Variants in ARRB1 observed in about 807,000 individuals in gnomAD.
The protein encoded by ARRB1 is arrestin beta 1, also known as beta-arrestin-1.
Under a neutral mutation model 56.8 loss-of-function variants are expected in ARRB1, and 21 were observed. The ratio of observed to expected loss-of-function variants is 0.37; its 90% confidence interval spans 0.26 to 0.53. ARRB1 has a LOEUF of 0.53. Among genes scored for constraint, ARRB1 ranks in the 20% least tolerant of loss-of-function variants. The pLI is 0.88. For missense variants in ARRB1, 424 were observed against 553.7 expected (o/e 0.77, Z 2.35); for synonymous variants, 210 against 218.6 (o/e 0.96, Z 0.35).
chr11:75,306,402 G>C (rs1947030401), intron 1 of ARRB1, among the ~76,000 whole-genome samples: 1 of 152,156 alleles, frequency 6.6e-6, no homozygotes, highest in South Asian at 2.1e-4. Flanking sequence ...ACCCCGCACT[G>C]TTCCTCCCTG....
chr11:75,315,636 C>G (rs193002258), intron 1 of ARRB1, among the ~76,000 whole-genome samples: 18 of 152,264 alleles, frequency 1.2e-4, no homozygotes, highest in Admixed American at 1.2e-3. Context: ...ACGTACTCTC[C>G]TAGAGAGTGG....
In ARRB1 at chr11:75,344,200, G is replaced by A. The variant is rs554351695; in HGVS notation, c.20+7388C>T. Reference sequence around the variant, plus strand: ...CCATGGGAGACAGCACTACCCTTTCGAGCAGTAGCCAATTCCTTCCTGGCC... The same window carrying A: ...CCATGGGAGACAGCACTACCCTTTCAAGCAGTAGCCAATTCCTTCCTGGCC... On this transcript the variant is annotated intron_variant, in intron 1 of 15. Transcript: ENST00000420843. Among the ~76,000 whole-genome samples the A allele has an allele frequency of 1.3e-3, 191 of 152,198 alleles. 1 individual carries two copies. Among genetic ancestry groups the A allele is most frequent in the African/African-American group, 4.6e-3 (189 of 41,506 alleles).
chr11:75,319,655 C>T (rs1367811366), intron 1 of ARRB1, among the ~76,000 whole-genome samples: 1 of 152,168 alleles, frequency 6.6e-6, no homozygotes, highest in Non-Finnish European at 1.5e-5. Flanking sequence ...CTGCCCTGCC[C>T]CAGGCACAGT....
At chr11:75,311,353 T>TA (rs1470561136) in intron 1 of ARRB1, among the ~76,000 whole-genome samples, 1 of 151,820 alleles carries the variant, frequency 6.6e-6, no homozygotes, top group Non-Finnish European at 1.5e-5. Flanking sequence ...ATATAAAAAT[T>TA]AAAAAAATTA....
intron 13 of ARRB1, 118 bp downstream of exon 13, chr11:75,271,583 T>C: frequency 1.7e-6 from 2 of 1,160,138 alleles, no homozygotes; most frequent in Non-Finnish European, 2.4e-6. Context: ...AACCTGGCTA[T>C]CTGAAATGAC....
chr11:75,278,507 G>T (rs1316152812), intron 8 of ARRB1, 102 bp downstream of exon 8: 7 of 1,510,590 alleles, frequency 4.6e-6, no homozygotes, highest in Non-Finnish European at 6.3e-6. Flanking sequence ...GGGGATAGAA[G>T]CTCCTACCTG....
chr11:75,301,745 C>T (rs2140463396), intron 1 of ARRB1, among the ~76,000 whole-genome samples: 1 of 152,264 alleles, frequency 6.6e-6, no homozygotes, highest in East Asian at 1.9e-4. Context: ...GTTCCTAGGC[C>T]CTTATCGCAT....
chr11:75,282,095 A>G (rs1946356265), intron 5 of ARRB1, 74 bp from the exon 6 acceptor site: 1 of 1,510,906 alleles, frequency 6.6e-7, no homozygotes, highest in Admixed American at 1.7e-5. Context: ...CAGCCCAGAC[A>G]CTCCCATACA....
intron 1 of ARRB1, among the ~76,000 whole-genome samples, chr11:75,301,764 G>A (rs897177432): frequency 6.6e-6 from 1 of 152,180 alleles, no homozygotes; most frequent in Non-Finnish European, 1.5e-5. Flanking sequence ...ATTCTCCCTG[G>A]TAGCAGAGTT....
At chr11:75,273,122 G>A (rs1487805445) in intron 11 of ARRB1, 144 bp from the exon 12 acceptor site, 1 of 674,622 alleles carries the variant, frequency 1.5e-6, no homozygotes, top group East Asian at 2.8e-5. Flanking sequence ...GCCCAGTGGA[G>A]ATGAGGAAGG....
At chr11:75,273,169 C>G (rs770487738) in intron 11 of ARRB1, among the ~76,000 whole-genome samples, 191 bp from the exon 12 acceptor site, 3 of 152,164 alleles carry the variant, frequency 2.0e-5, no homozygotes, top group Non-Finnish European at 4.4e-5. Context: ...CCCAGAGCCC[C>G]GGTTCCAAGT....
rs530087217 is a variant in ARRB1, at chr11:75,293,198, C to G, written c.21-3159G>C. 2.6e-5 allele frequency among the ~76,000 whole-genome samples: 4 copies of G among 152,246 alleles called. No individual in the cohort carries two copies. In the South Asian group the frequency reaches 8.3e-4, roughly 32 times the overall value. Reference sequence around the variant, plus strand: ...CTCTGATGGCTTCCTCAAACAACAGCAGCAGCCACCACATTCCCCAAGAGC... The same window carrying G: ...CTCTGATGGCTTCCTCAAACAACAGGAGCAGCCACCACATTCCCCAAGAGC... On this transcript the variant is annotated intron_variant, in intron 1 of 15. Transcript: ENST00000420843.
At position 75,278,660 on chromosome 11, in the gene ARRB1, C is replaced by G; in HGVS notation, c.567G>C (p.Gln189His). 6.2e-7 allele frequency: 1 copy of G among 1,614,208 alleles called. No homozygotes were observed. The highest frequency in any genetic ancestry group is 1.1e-5 in the South Asian group (1 of 91,082). ...GCAAGGGCTTGTCCGACATGAGGAA[C>G]TGCCTGGTGGTCTCGGCTGTGGGCT... ...GPQPTAETTR[Q>H]FLMSDKPLHL... The change falls in exon 8 of 16, where the codon CAG becomes CAC. Residue 189 changes from glutamine to histidine, a missense_variant. Physicochemically the swap from Gln to His is conservative, Grantham distance 24. Coordinates refer to ENST00000420843, the MANE Select transcript of ARRB1 (RefSeq NM_004041.5).
intron 1 of ARRB1, among the ~76,000 whole-genome samples, chr11:75,321,762 C>A (rs1947352710): frequency 6.6e-6 from 1 of 152,198 alleles, no homozygotes; most frequent in Non-Finnish European, 1.5e-5. Flanking sequence ...CCTAGTAATA[C>A]ACATTAGATC....
intron 1 of ARRB1, chr11:75,303,628 G>A (rs1288035597): frequency 1.1e-5 from 5 of 456,288 alleles, no homozygotes; most frequent in Non-Finnish European, 1.8e-5. Context: ...CGGTGTCGGT[G>A]TTGTTTCCCC....
intron 1 of ARRB1, among the ~76,000 whole-genome samples, chr11:75,342,001 T>A (rs1310754246): frequency 6.6e-6 from 1 of 152,054 alleles, no homozygotes; most frequent in Non-Finnish European, 1.5e-5. Context: ...AAGGAAAGGG[T>A]CCTAGGGAGG....
chr11:75,289,007 G>A (rs1478406893), intron 2 of ARRB1, among the ~76,000 whole-genome samples: 3 of 152,170 alleles, frequency 2.0e-5, no homozygotes, highest in East Asian at 1.9e-4. Flanking sequence ...CTGATCTACC[G>A]GCGGGGAGAG....
intron 1 of ARRB1, among the ~76,000 whole-genome samples, chr11:75,320,464 G>A (rs1947328673): frequency 6.6e-6 from 1 of 152,214 alleles, no homozygotes. Flanking sequence ...GCCTCCAAGG[G>A]CGGGTGGCTG....
chr11:75,281,781 A>T (rs899033306), intron 6 of ARRB1, 181 bp downstream of exon 6: 3 of 635,666 alleles, frequency 4.7e-6, no homozygotes, highest in Non-Finnish European at 8.3e-6. Flanking sequence ...CTGACCCCGT[A>T]CCTGCTGCCC....
Sources: gnomAD v4.1 joint callset for allele counts (sites outside exome capture counted in the v4.1 genomes callset) on GRCh38, gnomAD v4.1.1 for gene constraint, MANE v1.5 for transcripts, NCBI Gene and HGNC (gene_info 2026-07-23, HGNC 2026-07-21) for gene names.